The following GPC5 variants were observed in gnomAD, a reference collection of about 807,000 sequenced individuals.
The protein encoded by GPC5 is glypican-5.
A neutral mutation model predicts 53.9 loss-of-function variants in GPC5; 47 were observed. That is an observed-to-expected ratio of 0.87 (90% confidence interval 0.69 to 1.11). The LOEUF (loss-of-function observed/expected upper bound fraction) is 1.11. Among genes scored for constraint, GPC5 ranks in the 50% most tolerant of loss-of-function variants. The pLI is 0.00. For synonymous variants in GPC5, 286 were observed against 263.3 expected, an observed-to-expected ratio of 1.09 and a Z score of -0.84; for missense variants, 748 against 713.1, an observed-to-expected ratio of 1.05 and a Z score of -0.56.
At chr13:92,408,579 T>C (rs1436952489) in intron 7 of GPC5, among the ~76,000 whole-genome samples, 1 of 151,912 alleles carries the variant, frequency 6.6e-6, no homozygotes, top group Non-Finnish European at 1.5e-5. Flanking sequence ...GTGATTGGCA[T>C]CTGGTAAAGA....
chr13:91,732,302 T>G lies in GPC5; in HGVS notation c.1154+3637T>G, dbSNP rs139211257. On this transcript the variant is annotated intron_variant, in intron 4 of 7. Coordinates refer to ENST00000377067, the MANE Select transcript of GPC5 (RefSeq NM_004466.6). ...ATGATCAGTGATGTTGAGGTTTTTT[T>G]CATATGTTTGTTGGCTGCATAAATG... Among the ~76,000 whole-genome samples the G allele has an allele frequency of 2.3e-3, 346 of 152,326 alleles. 6 individuals are homozygous for G. The highest frequency in any genetic ancestry group is 7.8e-3 in the African/African-American group (323 of 41,578).
chr13:91,798,556 G>A (rs1392676664), intron 5 of GPC5, among the ~76,000 whole-genome samples: 1 of 152,156 alleles, frequency 6.6e-6, no homozygotes, highest in Non-Finnish European at 1.5e-5. Flanking sequence ...ACTCCATGAT[G>A]TATATGTACC....
At chr13:92,093,068 GA>G (rs2041393735) in intron 6 of GPC5, among the ~76,000 whole-genome samples, 1 of 152,134 alleles carries the variant, frequency 6.6e-6, no homozygotes, top group Non-Finnish European at 1.5e-5. Context: ...AAAAGGCTCA[GA>G]AACCCCATAC....
intron 5 of GPC5, among the ~76,000 whole-genome samples, chr13:91,898,064 C>A (rs117281330): frequency 6.6e-6 from 1 of 152,280 alleles, no homozygotes; most frequent in Non-Finnish European, 1.5e-5. Flanking sequence ...TTATATTCTT[C>A]ACCAAGTCAT....
At chr13:92,641,084 G>T (rs949995901) in intron 7 of GPC5, among the ~76,000 whole-genome samples, 7 of 152,114 alleles carry the variant, frequency 4.6e-5, no homozygotes, top group Admixed American at 1.3e-4. Flanking sequence ...GAAGAGCTGG[G>T]TGAGAAGCAG....
chr13:91,851,713 A>G (rs61967097), intron 5 of GPC5, among the ~76,000 whole-genome samples: 16,156 of 126,342 alleles, frequency 0.13, 998 homozygotes, highest in African/African-American at 0.18. Flanking sequence ...ATGTGATCTC[A>G]TTGTTCAATT....
chr13:92,075,730 T>G (rs1394757233), intron 6 of GPC5, among the ~76,000 whole-genome samples: 1 of 152,200 alleles, frequency 6.6e-6, no homozygotes, highest in African/African-American at 2.4e-5. Context: ...TTGGTGAGTT[T>G]AAAAGATTGC....
chr13:92,387,953 C>T (rs1874815460), intron 7 of GPC5, among the ~76,000 whole-genome samples: 1 of 151,992 alleles, frequency 6.6e-6, no homozygotes. Context: ...AAGGGTTTGC[C>T]CCAATGCAGC....
At chr13:92,765,272 T>C (rs972561701) in intron 7 of GPC5, among the ~76,000 whole-genome samples, 1 of 152,172 alleles carries the variant, frequency 6.6e-6, no homozygotes, top group Non-Finnish European at 1.5e-5. Context: ...TAAGAACAGA[T>C]TCATGGCTGC....
chr13:91,718,976 T>C (rs1044134854), intron 3 of GPC5, among the ~76,000 whole-genome samples: 1 of 152,158 alleles, frequency 6.6e-6, no homozygotes, highest in African/African-American at 2.4e-5. Context: ...AGATAAGAAA[T>C]TAGAGGGCAA....
At chr13:92,170,145 A>G (rs1268309869) in intron 7 of GPC5, among the ~76,000 whole-genome samples, 1 of 151,824 alleles carries the variant, frequency 6.6e-6, no homozygotes, top group Non-Finnish European at 1.5e-5. Context: ...ATTTGCTTCA[A>G]AATACATGGA....
In GPC5 at chr13:91,734,164, C is replaced by T. The variant is rs369424734; in HGVS notation, c.1154+5499C>T. On this transcript the variant is annotated intron_variant, in intron 4 of 7. Coordinates refer to ENST00000377067, the MANE Select transcript of GPC5 (RefSeq NM_004466.6). ...GCGTATGTTGAACCAGCCTTGCATC[C>T]CAGGGATGAAGGTGACTTAATTGTG... Among the ~76,000 whole-genome samples the T allele has an allele frequency of 1.4e-4, 21 of 151,182 alleles. No individual in the cohort carries two copies. In the East Asian group the frequency reaches 3.3e-3, roughly 24 times the overall value.
At chr13:92,585,002 G>T (rs1483138202) in intron 7 of GPC5, among the ~76,000 whole-genome samples, 1 of 152,072 alleles carries the variant, frequency 6.6e-6, no homozygotes. Context: ...CTAGGCAAAA[G>T]TTTGCTGGTG....
chr13:91,406,378 G>A (rs921346074), intron 1 of GPC5, among the ~76,000 whole-genome samples: 1 of 152,136 alleles, frequency 6.6e-6, no homozygotes, highest in African/African-American at 2.4e-5. Context: ...ATATAAATGG[G>A]TTAAAGATGG....
chr13:91,862,623 CAT>C (rs896111010), intron 5 of GPC5, among the ~76,000 whole-genome samples: 2 of 152,114 alleles, frequency 1.3e-5, no homozygotes, highest in African/African-American at 2.4e-5. Context: ...TATATACACA[CAT>C]ATAGATGATT....
chr13:91,934,732 A>G (rs2039854148), intron 6 of GPC5, among the ~76,000 whole-genome samples: 1 of 151,942 alleles, frequency 6.6e-6, no homozygotes, highest in Non-Finnish European at 1.5e-5. Context: ...AATAATAAAG[A>G]TAGATGGTTG....
chr13:91,792,133 C>T (rs1339780244), intron 5 of GPC5, among the ~76,000 whole-genome samples: 1 of 152,094 alleles, frequency 6.6e-6, no homozygotes, highest in Non-Finnish European at 1.5e-5. Context: ...TTGCTTTAGT[C>T]TTTCATTATC....
intron 2 of GPC5, among the ~76,000 whole-genome samples, chr13:91,643,034 C>T (rs2139502340): frequency 6.6e-6 from 1 of 152,258 alleles, no homozygotes; most frequent in Non-Finnish European, 1.5e-5. Flanking sequence ...ATATTTTGCA[C>T]TCCACTTCTT....
intron 7 of GPC5, among the ~76,000 whole-genome samples, chr13:92,150,805 C>T (rs1004073436): frequency 6.6e-6 from 1 of 151,784 alleles, no homozygotes; most frequent in African/African-American, 2.4e-5. Flanking sequence ...CTAAATCTAT[C>T]CCACGCCAGA....
Sources: gnomAD v4.1 joint callset for allele counts (sites outside exome capture counted in the v4.1 genomes callset) on GRCh38, gnomAD v4.1.1 for gene constraint, MANE v1.5 for transcripts, NCBI Gene and HGNC (gene_info 2026-07-23, HGNC 2026-07-21) for gene names.